The following JAKMIP3 variants were observed in gnomAD, a reference collection of about 807,000 sequenced individuals.
JAKMIP3 encodes janus kinase and microtubule-interacting protein 3.
Under a neutral mutation model 118.5 loss-of-function variants are expected in JAKMIP3, and 58 were observed. The observed-to-expected ratio is 0.49, with a 90% CI of 0.40 to 0.61. JAKMIP3 has a LOEUF of 0.61. Ranked by LOEUF, JAKMIP3 falls within the 20% of genes least tolerant of loss-of-function variation. The probability of loss-of-function intolerance (pLI) is 0.00; values close to 1 mark genes in which losing one functional copy is unlikely to be tolerated. For missense variants in JAKMIP3, 950 were observed against 1,109.0 expected (o/e 0.86, Z 2.04); for synonymous variants, 486 against 451.2 (o/e 1.08, Z -0.98).
rs1208783745 is a variant in JAKMIP3, at chr10:132,104,752, C to T, written c.-57C>T. The T allele has an allele frequency of 1.4e-5, 22 of 1,531,578 alleles. No homozygotes were observed. The Admixed American group carries it at 4.2e-4, about 29-fold the overall frequency. 94.9% of individuals were successfully genotyped at this position (1,531,578 alleles called of 1,614,324 possible). A position where few individuals can be genotyped will look rare whatever the true frequency, so the allele number is the denominator to read the frequency against. ...GCGTGGACACCCCAGCCACCCCCAG[C>T]CCAGCCCAGCCGGAGCACCCTACCC... On this transcript the variant is annotated 5_prime_UTR_variant, in exon 2 of 24. Coordinates refer to ENST00000684848, the MANE Select transcript of JAKMIP3 (RefSeq NM_001323087.2).
At chr10:132,072,796 G>C (rs1026924748) in intron 1 of JAKMIP3, among the ~76,000 whole-genome samples, 2 of 151,908 alleles carry the variant, frequency 1.3e-5, no homozygotes, top group African/African-American at 4.8e-5. Flanking sequence ...TACACGTGTA[G>C]ATTTCTTACA....
intron 23 of JAKMIP3, among the ~76,000 whole-genome samples, chr10:132,171,004 C>T (rs559983325): frequency 6.6e-6 from 1 of 152,368 alleles, no homozygotes; most frequent in South Asian, 2.1e-4. Flanking sequence ...AACCCTGCAG[C>T]TAACCCAGGG....
chr10:132,170,212 A>G (rs1244891706), intron 23 of JAKMIP3: 1 of 152,218 alleles, frequency 6.6e-6, no homozygotes. Flanking sequence ...AGCTCCAAGC[A>G]TAACATCTCT....
intron 10 of JAKMIP3, among the ~76,000 whole-genome samples, chr10:132,141,177 G>A (rs1181401378): frequency 6.6e-6 from 1 of 152,216 alleles, no homozygotes; most frequent in African/African-American, 2.4e-5. Context: ...GCACAGCCAA[G>A]GATTGGGCCT....
intron 19 of JAKMIP3, among the ~76,000 whole-genome samples, chr10:132,154,712 G>A (rs1308490952): frequency 7.9e-5 from 12 of 152,102 alleles, no homozygotes; most frequent in Admixed American, 7.9e-4. Flanking sequence ...GGGAAAGTGG[G>A]CTGGGATGAA....
chr10:132,131,502 G>A (rs558636602), intron 3 of JAKMIP3, among the ~76,000 whole-genome samples: 32 of 152,000 alleles, frequency 2.1e-4, no homozygotes, highest in Admixed American at 1.8e-3. Flanking sequence ...GGGGCACCCG[G>A]GGGCTCCAGC....
chr10:132,079,723 T>C (rs1206728970), intron 1 of JAKMIP3, among the ~76,000 whole-genome samples: 4 of 152,190 alleles, frequency 2.6e-5, no homozygotes. Context: ...TGAAACTCTG[T>C]CCCCATTGAA....
At chr10:132,133,271 T>C (rs956039800) in intron 3 of JAKMIP3, 41 bp from the exon 4 acceptor site, 3 of 1,486,142 alleles carry the variant, frequency 2.0e-6, no homozygotes, top group Non-Finnish European at 2.8e-6. Context: ...TGCAGATCCG[T>C]GTCCTGCCGC....
At position 132,135,914 on chromosome 10, in the gene JAKMIP3, G is replaced by C. The variant is rs1470958742; in HGVS notation, c.970-16G>C. 1 of 1,609,074 alleles carries C rather than the reference G, an allele frequency of 6.2e-7. No individual in the cohort carries two copies. On this transcript the variant is annotated splice_polypyrimidine_tract_variant and intron_variant, in intron 5 of 23. Transcript: ENST00000684848. ...CCGTCACTTAAAGAACAATCACATA[G>C]TGCGTTGTCTTTCAGTTGAAGCGCG...
chr10:132,184,791 AAAAAT>A lies in JAKMIP3; in HGVS notation c.*3539_*3543del, dbSNP rs2061718934. ...TGTAAATTATTGTACAGTTTTAATA[AAAAAT>A]GTTTTAAATCTTAGACGATTAAAGT... On this transcript the variant is annotated 3_prime_UTR_variant, in exon 24 of 24. Transcript: ENST00000684848. 2.0e-5 allele frequency: 3 copies of A among 152,252 alleles called. No homozygotes were observed. Among genetic ancestry groups the A allele is most frequent in the Admixed American group, 1.3e-4 (2 of 15,292 alleles). 9.4% of individuals were successfully genotyped at this position (152,252 alleles called of 1,614,324 possible).
intron 1 of JAKMIP3, among the ~76,000 whole-genome samples, chr10:132,071,062 C>T (rs1246560995): frequency 1.3e-5 from 2 of 152,050 alleles, no homozygotes; most frequent in Non-Finnish European, 2.9e-5. Context: ...TTAGCTGTGT[C>T]CTGCAACTTC....
intron 23 of JAKMIP3, among the ~76,000 whole-genome samples, chr10:132,176,308 C>T (rs985793520): frequency 4.6e-5 from 7 of 152,202 alleles, no homozygotes; most frequent in Non-Finnish European, 8.8e-5. Context: ...GCAGAACCAG[C>T]GGGAGGGTCC....
chr10:132,126,851 A>G (rs755418490), intron 3 of JAKMIP3, among the ~76,000 whole-genome samples: 32 of 152,134 alleles, frequency 2.1e-4, no homozygotes, highest in Non-Finnish European at 1.2e-4. Context: ...GCCATGATAT[A>G]TTGTCTATTT....
At position 132,146,212 on chromosome 10, in the gene JAKMIP3, C is replaced by T. The variant is rs561638788; in HGVS notation, c.1749+632C>T. On this transcript the variant is annotated intron_variant, in intron 13 of 23. Coordinates refer to ENST00000684848, the MANE Select transcript of JAKMIP3 (RefSeq NM_001323087.2). ...CAGACGTAAAACAGATCAGAACATG[C>T]GATGTGTGGCCAGGCTGCTCTCAGT... Among the ~76,000 whole-genome samples the T allele has an allele frequency of 4.3e-4, 63 of 146,720 alleles. 1 individual carries two copies. The highest frequency in any genetic ancestry group is 1.5e-3 in the African/African-American group (61 of 39,694).
intron 23 of JAKMIP3, among the ~76,000 whole-genome samples, chr10:132,174,406 C>T (rs533054212): frequency 1.3e-5 from 2 of 151,816 alleles, no homozygotes; most frequent in East Asian, 3.9e-4. Flanking sequence ...TCAATGGCCT[C>T]CGTGGCCTCC....
At chr10:132,157,083 C>T (rs1001261841) in intron 19 of JAKMIP3, among the ~76,000 whole-genome samples, 6 of 152,136 alleles carry the variant, frequency 3.9e-5, no homozygotes, top group Admixed American at 3.9e-4. Flanking sequence ...GGCTTGTTCT[C>T]CGAGAGATGG....
At chr10:132,090,125 G>A (rs1330025279) in intron 1 of JAKMIP3, among the ~76,000 whole-genome samples, 5 of 152,170 alleles carry the variant, frequency 3.3e-5, no homozygotes, top group African/African-American at 1.2e-4. Flanking sequence ...ATTTGATTGA[G>A]GATTTTTGCA....
Position 132,044,431 on chromosome 10 carries a change from G to A in JAKMIP3, c.-138+7693G>A, listed in dbSNP as rs979110884. Reference sequence around the variant, plus strand: ...TCACAATTCTGCAAGAGCTCGTGACGGGAGCTCACCAGTCTAGTAGGGAAG... The same window carrying A: ...TCACAATTCTGCAAGAGCTCGTGACAGGAGCTCACCAGTCTAGTAGGGAAG... On this transcript the variant is annotated intron_variant, in intron 1 of 23. Coordinates refer to the JAKMIP3 transcript ENST00000657785. The surrounding 1 kb of genome is among the most constrained non-coding windows in gnomAD (Gnocchi z 5.3). 5.9e-5 allele frequency among the ~76,000 whole-genome samples: 9 copies of A among 152,262 alleles called. No homozygotes were observed. The East Asian group carries it at 1.4e-3, about 23-fold the overall frequency.
chr10:132,084,518 A>C (rs1342899487), intron 1 of JAKMIP3, among the ~76,000 whole-genome samples: 1 of 152,182 alleles, frequency 6.6e-6, no homozygotes. Context: ...ATGGATTTGT[A>C]TGCCCTTTAT....
Sources: allele counts gnomAD v4.1 joint callset (sites outside exome capture counted in the v4.1 genomes callset), GRCh38; gene constraint gnomAD v4.1.1; non-coding constraint Gnocchi (gnomAD v3.1); transcripts MANE v1.5; gene names NCBI Gene and HGNC (gene_info 2026-07-23, HGNC 2026-07-21).